Variants in TPRG1 observed in about 807,000 individuals in gnomAD.
The protein encoded by TPRG1 is tumor protein p63 regulated 1.
In TPRG1, 29 loss-of-function variants were observed where a neutral mutation model predicts 29.3. The ratio of observed to expected loss-of-function variants is 0.99; its 90% CI spans 0.74 to 1.35. TPRG1 has a LOEUF of 1.35. Ranked by LOEUF, TPRG1 falls within the 40% of genes most tolerant of loss-of-function variation. TPRG1 has a pLI of 0.00. For synonymous variants in TPRG1, 130 were observed against 116.8 expected, an observed-to-expected ratio of 1.11 and a Z score of -0.73; for missense variants, 327 against 335.0, an observed-to-expected ratio of 0.98 and a Z score of 0.19.
intron 2 of TPRG1, among the ~76,000 whole-genome samples, chr3:189,210,688 A>G (rs1301934264): frequency 3.3e-5 from 5 of 152,158 alleles, no homozygotes; most frequent in Non-Finnish European, 7.3e-5. Flanking sequence ...TAATCAACAC[A>G]CTTGTTCTCA....
At chr3:189,157,303 A>G (rs1726821945) in intron 5 of TPRG1, among the ~76,000 whole-genome samples, 1 of 152,006 alleles carries the variant, frequency 6.6e-6, no homozygotes, top group Non-Finnish European at 1.5e-5. Flanking sequence ...CTGCTGTCCT[A>G]TTGGTCTTTA....
At chr3:189,154,204 A>G (rs1045008321) in intron 5 of TPRG1, among the ~76,000 whole-genome samples, 6 of 152,186 alleles carry the variant, frequency 3.9e-5, no homozygotes, top group African/African-American at 1.4e-4. Flanking sequence ...CTGAAGAGCA[A>G]AACCTGAGAG....
chr3:189,243,984 A>T (rs1236011513), intron 4 of TPRG1, among the ~76,000 whole-genome samples: 1 of 151,848 alleles, frequency 6.6e-6, no homozygotes, highest in Non-Finnish European at 1.5e-5. Context: ...AACCCTCTAA[A>T]CTCATTCAAC....
At chr3:189,091,029 G>A (rs546507865) in intron 4 of TPRG1, among the ~76,000 whole-genome samples, 3 of 152,174 alleles carry the variant, frequency 2.0e-5, no homozygotes, top group South Asian at 4.1e-4. Flanking sequence ...CTATGCCTCA[G>A]TTTCTTCATA....
intron 4 of TPRG1, among the ~76,000 whole-genome samples, chr3:189,299,381 C>T (rs906006077): frequency 2.0e-5 from 3 of 152,096 alleles, no homozygotes; most frequent in African/African-American, 2.4e-5. Flanking sequence ...CAAAGCAAGC[C>T]GTATACTATA....
chr3:189,200,934 C>T (rs781470399), intron 1 of TPRG1, among the ~76,000 whole-genome samples: 3 of 152,172 alleles, frequency 2.0e-5, no homozygotes, highest in Non-Finnish European at 2.9e-5. Flanking sequence ...GCTCTGTTCT[C>T]ATGAATGGGA....
chr3:189,060,642 A>G (rs1197556769), intron 4 of TPRG1, among the ~76,000 whole-genome samples: 1 of 152,202 alleles, frequency 6.6e-6, no homozygotes, highest in Non-Finnish European at 1.5e-5. Flanking sequence ...ATTCCTATAT[A>G]CTAACTACAG....
chr3:189,263,291 A>T (rs961126916), intron 4 of TPRG1, among the ~76,000 whole-genome samples: 2 of 152,226 alleles, frequency 1.3e-5, no homozygotes, highest in African/African-American at 4.8e-5. Flanking sequence ...GATCAGAATG[A>T]TGAGTAGGAG....
chr3:189,253,650 G>A (rs1742624454), intron 4 of TPRG1, among the ~76,000 whole-genome samples: 1 of 152,116 alleles, frequency 6.6e-6, no homozygotes, highest in East Asian at 1.9e-4. Context: ...GCTATTTCTA[G>A]TTCTAGATCC....
chr3:189,170,485 C>T (rs1728688917), upstream of TPRG1, among the ~76,000 whole-genome samples: 2 of 152,182 alleles, frequency 1.3e-5, no homozygotes, highest in South Asian at 4.1e-4. Flanking sequence ...GTTGCTCCCT[C>T]CTCTGGATTA....
At chr3:189,115,364 C>G (rs184547213) in intron 1 of TPRG1, among the ~76,000 whole-genome samples, 78 of 152,306 alleles carry the variant, frequency 5.1e-4, no homozygotes, top group African/African-American at 1.7e-3. Flanking sequence ...AGGCTGAAAT[C>G]TAGGAGAAGT....
chr3:189,176,316 T>C (rs942326751), intron 1 of TPRG1, among the ~76,000 whole-genome samples: 4 of 152,212 alleles, frequency 2.6e-5, no homozygotes, highest in African/African-American at 9.6e-5. Context: ...TTTTAAACTA[T>C]TTATTGAACA....
At position 189,071,968 on chromosome 3, in the gene TPRG1, T is replaced by C. The variant is rs79335468; in HGVS notation, c.-463+48022T>C. ...ATGGTATCATCTCTGTCCTTCTTGG[T>C]ATATGCATGGACAGTAAAGCTAAGC... On this transcript the variant is annotated intron_variant, in intron 4 of 10. Coordinates refer to the TPRG1 transcript ENST00000433971. Among the ~76,000 whole-genome samples, 897 of 152,312 alleles carry C rather than the reference T, an allele frequency of 5.9e-3. 8 individuals are homozygous for C. Among genetic ancestry groups the C allele is most frequent in the Middle Eastern group, 0.01 (3 of 294 alleles).
In TPRG1 at chr3:189,204,947, T is replaced by TCACACACACACACACA. The variant is rs35018569; in HGVS notation, c.-9-2414_-9-2399dup. 1.3e-3 allele frequency among the ~76,000 whole-genome samples: 197 copies of TCACACACACACACACA among 147,176 alleles called. 1 individual carries two copies. The highest frequency in any genetic ancestry group is 3.4e-3 in the Middle Eastern group (1 of 290). On this transcript the variant is annotated intron_variant, in intron 1 of 5. Transcript: ENST00000345063. ...CTGTCTCTATGTCTCTCTCTCTCTC[T>TCACACACACACACACA]CACACACACACACACACACACACAC...
intron 5 of TPRG1, among the ~76,000 whole-genome samples, chr3:189,154,830 A>G (rs1325843704): frequency 6.6e-6 from 1 of 152,152 alleles, no homozygotes; most frequent in African/African-American, 2.4e-5. Context: ...AGTACATCAG[A>G]CGGTGACAAA....
At chr3:189,240,049 A>G (rs1200048379) in intron 4 of TPRG1, among the ~76,000 whole-genome samples, 2 of 152,194 alleles carry the variant, frequency 1.3e-5, no homozygotes, top group African/African-American at 4.8e-5. Context: ...TGGCATTAGG[A>G]CTAGCACATA....
intron 4 of TPRG1, among the ~76,000 whole-genome samples, chr3:189,069,466 T>C (rs991345866): frequency 4.6e-5 from 7 of 152,196 alleles, no homozygotes; most frequent in South Asian, 2.1e-4. Context: ...TGTGATATTG[T>C]ACGATAGATA....
At chr3:189,209,044 A>T (rs1384191267) in intron 2 of TPRG1, among the ~76,000 whole-genome samples, 1 of 152,236 alleles carries the variant, frequency 6.6e-6, no homozygotes, top group East Asian at 1.9e-4. Flanking sequence ...ACAATGTTTA[A>T]CTTATGAGGA....
intron 4 of TPRG1, among the ~76,000 whole-genome samples, chr3:189,091,418 A>C (rs764887414): frequency 6.6e-6 from 1 of 152,162 alleles, no homozygotes; most frequent in Non-Finnish European, 1.5e-5. Context: ...ATTGAGATAT[A>C]GGACATTTCC....
Sources: gnomAD v4.1 joint callset for allele counts (sites outside exome capture counted in the v4.1 genomes callset) on GRCh38, gnomAD v4.1.1 for gene constraint, MANE v1.5 for transcripts, NCBI Gene and HGNC (gene_info 2026-07-23, HGNC 2026-07-21) for gene names.